Variants in RHBDF2 observed in about 807,000 individuals in gnomAD.
The protein encoded by RHBDF2 is inactive rhomboid protein 2.
RHBDF2 carries 38 observed loss-of-function variants against 95.2 expected under a neutral mutation model. The observed-to-expected ratio is 0.40, with a 90% CI of 0.31 to 0.52. The LOEUF (loss-of-function observed/expected upper bound fraction) is 0.52, where lower values mean the gene tolerates loss of function less well. Among genes scored for constraint, RHBDF2 ranks in the 20% least tolerant of loss-of-function variants. The pLI, the probability that RHBDF2 is intolerant of heterozygous loss-of-function variation, is 0.56. For synonymous variants in RHBDF2, 442 were observed against 462.0 expected (o/e 0.96, Z 0.55); for missense variants, 863 against 1,137.7 (o/e 0.76, Z 3.47).
chr17:76,472,270 T>C (rs2144026390), intron 18 of RHBDF2: 1 of 604,308 alleles, frequency 1.7e-6, no homozygotes, highest in South Asian at 2.0e-5. Flanking sequence ...ACGTGCCTGG[T>C]GTGGGTCCGT....
At position 76,471,667 on chromosome 17, in the gene RHBDF2, C is replaced by T; in HGVS notation, c.2450G>A (p.Cys817Tyr). Residue 817 changes from cysteine to tyrosine, a missense_variant, in exon 19 of 19, where the codon TGC (cysteine) becomes TAC (tyrosine). This residue lies in a region of RHBDF2 where 252 missense variants were observed against 412.2 expected (regional missense o/e 0.61). Coordinates refer to ENST00000675367, the MANE Select transcript of RHBDF2 (RefSeq NM_001005498.4). ...LTCFPFTSRF[C>Y]EKYELDQVLH ...CACCTGGTCCAGCTCATACTTCTCG[C>T]AGAAGCGGCTGGTGAAGGGGAAGCA... is the stretch of plus-strand genomic sequence containing the variant. 3.7e-6 allele frequency: 6 copies of T among 1,609,334 alleles called. No homozygotes were observed. The highest frequency in any genetic ancestry group is 5.1e-6 in the Non-Finnish European group (6 of 1,177,870).
chr17:76,500,761 C>A (rs1342513533), intron 1 of RHBDF2, among the ~76,000 whole-genome samples: 1 of 152,218 alleles, frequency 6.6e-6, no homozygotes, highest in Non-Finnish European at 1.5e-5. Flanking sequence ...AGGTAAAAGG[C>A]AAGCCCAGGG....
chr17:76,478,480 G>A (rs1462060388), intron 6 of RHBDF2, among the ~76,000 whole-genome samples: 2 of 152,230 alleles, frequency 1.3e-5, no homozygotes, highest in Non-Finnish European at 2.9e-5. Flanking sequence ...GCGGTGCCCA[G>A]CACGTAACAG....
intron 3 of RHBDF2, among the ~76,000 whole-genome samples, chr17:76,481,019 C>A (rs199857646): frequency 6.6e-6 from 1 of 152,178 alleles, no homozygotes; most frequent in African/African-American, 2.4e-5. Context: ...AGACACTGTC[C>A]CCTGCTCACC....
At chr17:76,477,628 AC>A in intron 7 of RHBDF2, 28 bp downstream of exon 7, 7 of 1,611,072 alleles carry the variant, frequency 4.3e-6, no homozygotes, top group Non-Finnish European at 5.9e-6. Context: ...ACCCCACCCA[AC>A]TCCTGCTGTC....
intron 16 of RHBDF2, 60 bp from the exon 17 acceptor site, chr17:76,473,165 A>C (rs1037698138): frequency 2.5e-6 from 4 of 1,588,694 alleles, no homozygotes; most frequent in African/African-American, 1.3e-5. Context: ...AGGCTCCGAC[A>C]TGGGAGGGAG....
Position 76,474,403 on chromosome 17 carries a change from T to A in RHBDF2, c.1434A>T (p.Gly478=). 2 of 1,613,716 alleles carry A rather than the reference T, an allele frequency of 1.2e-6. No individual in the cohort carries two copies. Among genetic ancestry groups the A allele is most frequent in the Non-Finnish European group, 1.7e-6 (2 of 1,179,954 alleles). The change falls in exon 12 of 19, where the codon GGA becomes GGT. Residue 478 remains glycine, a synonymous_variant. Coordinates refer to ENST00000675367, the MANE Select transcript of RHBDF2 (RefSeq NM_001005498.4). ...AGTCCTTCCGCTGGGTCTGGATGCA[T>A]CCGGAGTGGTCATTCTGGACACAGC... ...SGCCVQNDHS[G]CIQTQRKDCS...
In RHBDF2 at chr17:76,474,529, G is replaced by A. The variant is rs376653008; in HGVS notation, c.1308C>T (p.Asp436=). The change falls in exon 12 of 19, where the codon GAC becomes GAT. Residue 436 remains aspartate, a synonymous_variant. Coordinates refer to ENST00000675367, the MANE Select transcript of RHBDF2 (RefSeq NM_001005498.4). ...AGAACTTGGCCCCCAGGTGGATCAG[G>A]TCAATCTGGGGAAGGGAAAGGGAGG... ...ENFWVGPSSI[D]LIHLGAKFSP... 9.3e-6 allele frequency: 15 copies of A among 1,614,112 alleles called. No individual in the cohort carries two copies. In the South Asian group the frequency reaches 1.3e-4, roughly 14 times the overall value.
Position 76,478,942 on chromosome 17 carries a change from G to A in RHBDF2, c.536C>T (p.Pro179Leu), listed in dbSNP as rs3744045. Residue 179 changes from proline (P) to leucine (L), a missense_variant, in exon 6 of 19, where the codon CCG (proline) becomes CTG (leucine). By Grantham distance (98) the Pro-to-Leu change is moderately conservative. Transcript: ENST00000675367. Reference sequence around the variant, plus strand: ...GACTCCGGGGGTCAGCGGTGGGTGCGGGGCGTGGGGCCTGTCCATCTCCTC... The same window carrying A: ...GACTCCGGGGGTCAGCGGTGGGTGCAGGGCGTGGGGCCTGTCCATCTCCTC... ...HPEEMDRPHAPHPPLTPGVLS... is the reference protein window; with the variant it reads ...HPEEMDRPHALHPPLTPGVLS... 1,455,437 of 1,601,076 alleles carry A rather than the reference G, an allele frequency of 0.91. 669,307 individuals are homozygous for A. The highest frequency in any genetic ancestry group is 0.94 in the Non-Finnish European group (1,105,859 of 1,173,114).
At chr17:76,490,439 A>C (rs908029905) in intron 1 of RHBDF2, among the ~76,000 whole-genome samples, 10 of 152,198 alleles carry the variant, frequency 6.6e-5, no homozygotes, top group Non-Finnish European at 1.2e-4. Context: ...TGCTCTGGGG[A>C]CAGCTCCAGG....
Position 76,479,146 on chromosome 17 carries a change from A to T in RHBDF2, c.404T>A (p.Leu135His). Reference protein sequence around the residue: ...LKASCQRDLELPSQEAPSFQG... With the variant: ...LKASCQRDLEHPSQEAPSFQG... ...GAAGGACGGTGCCTCCTGGCTGGGGAGCTCCAGGTCACGCTGGCACGAGGC... is the reference window on the plus strand; with the variant it reads ...GAAGGACGGTGCCTCCTGGCTGGGGTGCTCCAGGTCACGCTGGCACGAGGC... Residue 135 changes from leucine (L) to histidine (H), a missense_variant, in exon 5 of 19, where the codon CTC becomes CAC. Physicochemically the swap from Leu to His is moderately conservative, Grantham distance 99. Transcript: ENST00000675367. 2 of 1,613,236 alleles carry T rather than the reference A, an allele frequency of 1.2e-6. No homozygotes were observed. The highest frequency in any genetic ancestry group is 1.7e-6 in the Non-Finnish European group (2 of 1,179,762).
chr17:76,474,299 C>T (rs1330829324), intron 12 of RHBDF2, 74 bp downstream of exon 12: 2 of 1,549,934 alleles, frequency 1.3e-6, no homozygotes, highest in Non-Finnish European at 1.8e-6. Context: ...GGTCACTGCC[C>T]TTGAAGGACA....
At position 76,494,282 on chromosome 17, in the gene RHBDF2, G is replaced by C. The variant is rs554194667; in HGVS notation, c.-219-6373C>G. Among the ~76,000 whole-genome samples, 3 of 152,342 alleles carry C rather than the reference G, an allele frequency of 2.0e-5. No individual in the cohort carries two copies. In the South Asian group the frequency reaches 6.2e-4, roughly 32 times the overall value. The stretch of plus-strand genomic sequence containing the variant: ...GCTGGGGTTCCTGGTCCAGGAAGCA[G>C]GCTGAGCTGGGGGTGCTGGAGTCCT... On this transcript the variant is annotated intron_variant, in intron 1 of 18. Transcript: ENST00000675367.
chr17:76,472,279 G>A (rs373350521), intron 18 of RHBDF2: 325 of 600,964 alleles, frequency 5.4e-4, no homozygotes, highest in Middle Eastern at 2.2e-3. Flanking sequence ...GTGTGGGTCC[G>A]TAGCAATAAG....
intron 1 of RHBDF2, among the ~76,000 whole-genome samples, chr17:76,489,834 T>C (rs9901687): frequency 0.96 from 146,792 of 152,310 alleles, 70,998 homozygotes; most frequent in East Asian, 1. Context: ...CAGAGGGGTT[T>C]GGTAACTTGC....
chr17:76,473,551 G>T (rs923251817), intron 15 of RHBDF2, 97 bp downstream of exon 15: 2 of 1,106,650 alleles, frequency 1.8e-6, no homozygotes, highest in Non-Finnish European at 2.6e-6. Flanking sequence ...TCGGCCCAGC[G>T]GCTGTGGGTG....
At chr17:76,475,707 T>A (rs1019810642) in intron 9 of RHBDF2, among the ~76,000 whole-genome samples, 6 of 150,092 alleles carry the variant, frequency 4.0e-5, no homozygotes, top group Non-Finnish European at 8.9e-5. Flanking sequence ...TCAGCCTCCC[T>A]CGTAGCTGGG....
At position 76,479,178 on chromosome 17, in the gene RHBDF2, G is replaced by GTCA. The variant is rs2073867115; in HGVS notation, c.371_372insTGA (p.Arg124_Leu125insAsp). On this transcript the variant is annotated inframe_insertion, in exon 5 of 19. Transcript: ENST00000675367. ...GGTCACGCTGGCACGAGGCCTTCAG[G>GTCA]CGGCCGTAGCGCATGCTGCAGTGGT... 6.2e-7 allele frequency: 1 copy of GTCA among 1,612,084 alleles called. No homozygotes were observed. The highest frequency in any genetic ancestry group is 1.3e-5 in the African/African-American group (1 of 74,924).
intron 9 of RHBDF2, 60 bp from the exon 10 acceptor site, chr17:76,475,201 C>G: frequency 2.4e-6 from 3 of 1,264,406 alleles, no homozygotes; most frequent in Non-Finnish European, 3.4e-6. Context: ...CCAGTCCCGG[C>G]CACAGGGCCA....
Sources: gnomAD v4.1 joint callset for allele counts (sites outside exome capture counted in the v4.1 genomes callset) on GRCh38, gnomAD v4.1.1 for gene constraint, gnomAD v4.1.1 regional missense constraint, MANE v1.5 for transcripts, NCBI Gene and HGNC (gene_info 2026-07-23, HGNC 2026-07-21) for gene names.